The following CCDC14 variants were observed in gnomAD, a reference collection of about 807,000 sequenced individuals.
CCDC14 encodes the protein coiled-coil domain-containing protein 14.
A neutral mutation model predicts 81.4 loss-of-function variants in CCDC14; 71 were observed. That is an observed-to-expected ratio of 0.87 (90% confidence interval 0.72 to 1.06). CCDC14 has a LOEUF of 1.06. Among genes scored for constraint, CCDC14 ranks in the 50% least tolerant of loss-of-function variants. The pLI, the probability that CCDC14 is intolerant of heterozygous loss-of-function variation, is 0.00. For synonymous variants in CCDC14, 332 were observed against 364.8 expected (o/e 0.91, Z 1.03); for missense variants, 1,046 against 1,047.3 (o/e 1.00, Z 0.02).
At chr3:123,907,544 C>CAAA (rs774323711) in intron 5 of CCDC14, among the ~76,000 whole-genome samples, 2 of 124,734 alleles carry the variant, frequency 1.6e-5, no homozygotes, top group African/African-American at 6.1e-5. Flanking sequence ...CCTGTCTCCA[C>CAAA]ACAAAAAAAA....
chr3:123,947,434 C>T (rs2036717976), intron 7 of CCDC14, 115 bp from the exon 8 acceptor site: 1 of 707,354 alleles, frequency 1.4e-6, no homozygotes, highest in African/African-American at 1.8e-5. Context: ...TTAATATATT[C>T]ATTTTGTGAA....
chr3:123,910,032 C>T (rs918272526), downstream of CCDC14, among the ~76,000 whole-genome samples: 6 of 152,132 alleles, frequency 3.9e-5, no homozygotes, highest in African/African-American at 1.2e-4. Flanking sequence ...AGAACAAGCA[C>T]TGAGAGTTTG....
At chr3:123,929,089 A>C (rs904456947) in intron 12 of CCDC14, among the ~76,000 whole-genome samples, 3 of 152,212 alleles carry the variant, frequency 2.0e-5, no homozygotes, top group African/African-American at 7.2e-5. Context: ...GAAAACTACC[A>C]GAGAACTACA....
the CCDC14 span, among the ~76,000 whole-genome samples, chr3:123,891,857 A>G: frequency 1.3e-5 from 2 of 151,810 alleles, no homozygotes; most frequent in African/African-American, 4.8e-5. Flanking sequence ...CATTTTCACA[A>G]TGCTAATATG....
rs1049848750 is a variant in CCDC14 at position 123,951,194 on chromosome 3, T to C, written c.353-2062A>G. On this transcript the variant is annotated intron_variant, in intron 5 of 12. Coordinates refer to ENST00000409697, the MANE Select transcript of CCDC14 (RefSeq NM_001366335.1). ...CCTATTTTATAAGATTATTGAGAGATGTAAATGACGTAACACTTGTAAATT... is the reference window on the plus strand; with the variant it reads ...CCTATTTTATAAGATTATTGAGAGACGTAAATGACGTAACACTTGTAAATT... 5.3e-5 allele frequency among the ~76,000 whole-genome samples: 8 copies of C among 152,322 alleles called. No individual in the cohort carries two copies. In the East Asian group the frequency reaches 1.2e-3, roughly 22 times the overall value.
downstream of CCDC14, among the ~76,000 whole-genome samples, chr3:123,912,680 C>T (rs2034474670): frequency 6.6e-6 from 1 of 152,020 alleles, no homozygotes; most frequent in South Asian, 2.1e-4. Context: ...CACTCTATGA[C>T]ATTTTAAGAA....
intron 1 of CCDC14, among the ~76,000 whole-genome samples, chr3:123,959,787 A>G (rs1559813156): frequency 7.8e-6 from 1 of 129,022 alleles, no homozygotes; most frequent in Non-Finnish European, 1.5e-5. Flanking sequence ...CTTTTTTCAT[A>G]TGCATTTTTT....
the CCDC14 span, among the ~76,000 whole-genome samples, chr3:123,891,735 C>T: frequency 5.3e-5 from 8 of 152,222 alleles, no homozygotes; most frequent in Admixed American, 3.3e-4. Flanking sequence ...CTTCTGAGCC[C>T]TCCAAACTGT....
chr3:123,933,494 T>C lies in CCDC14; in HGVS notation c.1426+179A>G, dbSNP rs978160128. On this transcript the variant is annotated intron_variant, in intron 10 of 12. Coordinates refer to ENST00000409697, the MANE Select transcript of CCDC14 (RefSeq NM_001366335.1). ...TGTAAAAGGAAACACACTCCTGTAT[T>C]TCAAAACAAACAAACAAAAAAAGGT... 3 of 578,484 alleles carry C rather than the reference T, an allele frequency of 5.2e-6. No individual in the cohort carries two copies. The African/African-American group carries it at 5.6e-5, about 11-fold the overall frequency. The allele number at this position is 578,484 out of a possible 1,614,324, so 35.8% of individuals were successfully genotyped here.
At chr3:123,921,204 A>G (rs2035023381) in intron 12 of CCDC14, among the ~76,000 whole-genome samples, 1 of 152,264 alleles carries the variant, frequency 6.6e-6, no homozygotes, top group South Asian at 2.1e-4. Context: ...ATCAACAATT[A>G]CCTTGAATGT....
chr3:123,930,379 G>A (rs929216815), intron 12 of CCDC14, among the ~76,000 whole-genome samples: 1 of 152,134 alleles, frequency 6.6e-6, no homozygotes, highest in African/African-American at 2.4e-5. Flanking sequence ...AGGATCATTC[G>A]AAGACAAAGT....
chr3:123,920,998 A>G (rs947183588), intron 12 of CCDC14, among the ~76,000 whole-genome samples: 2 of 152,232 alleles, frequency 1.3e-5, no homozygotes, highest in Admixed American at 6.5e-5. Flanking sequence ...TAGCCTAAGT[A>G]TAAGATGTTT....
At chr3:123,890,802 T>A in the CCDC14 span, among the ~76,000 whole-genome samples, 1 of 152,166 alleles carries the variant, frequency 6.6e-6, no homozygotes, top group Non-Finnish European at 1.5e-5. Flanking sequence ...GTGGCCCTCT[T>A]CTCACAGCTC....
chr3:123,927,640 C>CA (rs1316335037), intron 12 of CCDC14, among the ~76,000 whole-genome samples: 5 of 151,884 alleles, frequency 3.3e-5, no homozygotes, highest in Non-Finnish European at 7.4e-5. Context: ...ACGTGCTTAA[C>CA]AAAAATGTAA....
At chr3:123,944,718 A>G in intron 9 of CCDC14, 131 bp downstream of exon 9, 1 of 574,072 alleles carries the variant, frequency 1.7e-6, no homozygotes, top group Non-Finnish European at 2.8e-6. Context: ...AAAATGAGGA[A>G]GAAAAGTAGA....
At position 123,914,342 on chromosome 3, in the gene CCDC14, A is replaced by G; in HGVS notation, c.*437T>C. The G allele has an allele frequency of 1.0e-6, 1 of 985,492 alleles. No individual in the cohort carries two copies. 61.0% of individuals were successfully genotyped at this position (985,492 alleles called of 1,614,324 possible). On this transcript the variant is annotated 3_prime_UTR_variant, in exon 13 of 13. Transcript: ENST00000409697. ...CCTGTGGCACACAGCATGTTTAATAAAAACACATTGCTATTAAAAAAAAGT... is the reference window on the plus strand; with the variant it reads ...CCTGTGGCACACAGCATGTTTAATAGAAACACATTGCTATTAAAAAAAAGT...
At chr3:123,891,076 G>A in the CCDC14 span, among the ~76,000 whole-genome samples, 9 of 152,334 alleles carry the variant, frequency 5.9e-5, no homozygotes, top group African/African-American at 1.9e-4. Flanking sequence ...CACAGCCCAA[G>A]CTCTATATTG....
rs767306296 is a variant in CCDC14, at chr3:123,948,885, T to C, written c.589+11A>G. 6.2e-7 allele frequency: 1 copy of C among 1,607,766 alleles called. No homozygotes were observed. The highest frequency in any genetic ancestry group is 1.3e-5 in the African/African-American group (1 of 74,774). On this transcript the variant is annotated intron_variant, in intron 6 of 12. Transcript: ENST00000409697. ...TTACACTCACGATTTTTAAACAGCA[T>C]TCGTACTCACCAGAATGAGAGGGAG...
At chr3:123,934,528 T>G (rs1156716112) in intron 9 of CCDC14, among the ~76,000 whole-genome samples, 1 of 152,144 alleles carries the variant, frequency 6.6e-6, no homozygotes, top group Non-Finnish European at 1.5e-5. Flanking sequence ...TGTCATATGC[T>G]GAAACACAAA....
Sources: allele counts gnomAD v4.1 joint callset (sites outside exome capture counted in the v4.1 genomes callset), GRCh38; gene constraint gnomAD v4.1.1; transcripts MANE v1.5; gene names NCBI Gene and HGNC (gene_info 2026-07-23, HGNC 2026-07-21).